The following RHPN2 variants were observed in gnomAD, a reference collection of about 807,000 sequenced individuals.
RHPN2 encodes rhophilin-2.
Under a neutral mutation model 79.0 loss-of-function variants are expected in RHPN2, and 40 were observed. The observed-to-expected ratio is 0.51, with a 90% confidence interval of 0.39 to 0.66. The LOEUF (loss-of-function observed/expected upper bound fraction) is 0.66. RHPN2 is among the 30% of genes least tolerant of loss of function. RHPN2 has a pLI of 0.00. For missense variants in RHPN2, 686 were observed against 883.5 expected (o/e 0.78, Z 2.83); for synonymous variants, 285 against 363.5 (o/e 0.78, Z 2.46).
chr19:32,986,759 A>G (rs1971615705), intron 14 of RHPN2, among the ~76,000 whole-genome samples: 1 of 149,964 alleles, frequency 6.7e-6, no homozygotes, highest in Non-Finnish European at 1.5e-5. Context: ...ACGCCACTGC[A>G]CTCCAGCCTA....
intron 1 of RHPN2, among the ~76,000 whole-genome samples, chr19:33,061,778 C>G (rs1446847495): frequency 1.3e-5 from 2 of 152,198 alleles, no homozygotes; most frequent in Non-Finnish European, 1.5e-5. Context: ...GCCACCACGC[C>G]TGGTCAGCAC....
intron 12 of RHPN2, among the ~76,000 whole-genome samples, chr19:32,993,249 C>T (rs1271662449): frequency 2.0e-5 from 3 of 151,728 alleles, no homozygotes; most frequent in African/African-American, 2.4e-5. Context: ...CTGAGGTGAG[C>T]GGATCACTGG....
In RHPN2 at chr19:32,991,891, A is replaced by G. The variant is rs746362838; in HGVS notation, c.1576T>C (p.Leu526=). Residue 526 remains leucine, a synonymous_variant, in exon 13 of 15, where the codon TTG becomes CTG. Coordinates refer to ENST00000254260, the MANE Select transcript of RHPN2 (RefSeq NM_033103.5). The part of the protein sequence containing the change: ...SIRFTAEEGD[L]GFTLRGNAPV... ...GCGTTCCCTCTCAAGGTGAACCCCA[A>G]GTCCCCTTCTTCTGCAGTGAAGCGG... is the stretch of plus-strand genomic sequence containing the variant. 6.2e-7 allele frequency: 1 copy of G among 1,613,980 alleles called. No individual in the cohort carries two copies. The highest frequency in any genetic ancestry group is 1.1e-5 in the South Asian group (1 of 91,082).
intron 7 of RHPN2, among the ~76,000 whole-genome samples, chr19:33,007,109 A>G (rs1360130673): frequency 2.6e-5 from 4 of 152,216 alleles, no homozygotes; most frequent in Non-Finnish European, 5.9e-5. Flanking sequence ...CTGAGCTATG[A>G]GACATCCTTT....
intron 1 of RHPN2, 89 bp downstream of exon 1, chr19:33,064,695 G>A: frequency 7.9e-7 from 1 of 1,258,646 alleles, no homozygotes; most frequent in Non-Finnish European, 1.1e-6. Context: ...AGTGGACCCC[G>A]ACTGCGCGCT....
At chr19:33,040,176 G>C (rs528037038) in intron 2 of RHPN2, among the ~76,000 whole-genome samples, 2 of 148,006 alleles carry the variant, frequency 1.4e-5, no homozygotes, top group Non-Finnish European at 3.0e-5. Context: ...ACCTGCTCTT[G>C]TTCAAAGAAT....
Position 32,979,697 on chromosome 19 carries a change from A to C in RHPN2, c.*299T>G. ...AATTTAATAGTGACTAAAAGTCATA[A>C]TTGTCACCATTAAAAATAGCCATAT... On this transcript the variant is annotated 3_prime_UTR_variant, in exon 15 of 15. Coordinates refer to ENST00000254260, the MANE Select transcript of RHPN2 (RefSeq NM_033103.5). 2.7e-6 allele frequency: 1 copy of C among 372,188 alleles called. No individual in the cohort carries two copies. Among genetic ancestry groups the C allele is most frequent in the Non-Finnish European group, 5.0e-6 (1 of 201,886 alleles). 23.1% of individuals were successfully genotyped at this position (372,188 alleles called of 1,614,324 possible).
intron 5 of RHPN2, 91 bp from the exon 6 acceptor site, chr19:33,011,894 C>A: frequency 6.5e-7 from 1 of 1,545,404 alleles, no homozygotes; most frequent in Non-Finnish European, 8.9e-7. Context: ...CCAGCAGGTG[C>A]CTGTAACTAT....
chr19:33,029,938 G>A (rs542868441), intron 2 of RHPN2, among the ~76,000 whole-genome samples: 44 of 152,314 alleles, frequency 2.9e-4, no homozygotes, highest in African/African-American at 1.0e-3. Flanking sequence ...TACCAGGGAA[G>A]CTCAGAGACT....
At chr19:33,028,105 C>T (rs957658914) in intron 2 of RHPN2, among the ~76,000 whole-genome samples, 6 of 151,018 alleles carry the variant, frequency 4.0e-5, no homozygotes, top group African/African-American at 1.5e-4. Context: ...AATATTAGTA[C>T]TAATAAATTT....
At chr19:33,036,880 C>CGA (rs1555713805) in intron 2 of RHPN2, among the ~76,000 whole-genome samples, 2 of 150,524 alleles carry the variant, frequency 1.3e-5, no homozygotes, top group East Asian at 4.0e-4. Flanking sequence ...GCCCCCCCGC[C>CGA]ACCCTCTGTG....
At chr19:33,024,092 C>T (rs1295232005) in intron 3 of RHPN2, among the ~76,000 whole-genome samples, 2 of 152,214 alleles carry the variant, frequency 1.3e-5, no homozygotes, top group African/African-American at 4.8e-5. Flanking sequence ...AACACCAGAG[C>T]ATAGGCTGGG....
chr19:33,041,303 C>T (rs542388094), intron 2 of RHPN2, among the ~76,000 whole-genome samples: 25 of 152,280 alleles, frequency 1.6e-4, no homozygotes, highest in African/African-American at 5.1e-4. Flanking sequence ...CAACTGAAAC[C>T]ACCCATGGCC....
intron 14 of RHPN2, among the ~76,000 whole-genome samples, chr19:32,983,512 CAA>C (rs765955793): frequency 7.3e-6 from 1 of 137,030 alleles, no homozygotes; most frequent in Admixed American, 7.3e-5. Context: ...GAGACTGTCT[CAA>C]AAAAAAAAAA....
chr19:33,036,010 G>A (rs1599828493), intron 2 of RHPN2, among the ~76,000 whole-genome samples: 1 of 151,542 alleles, frequency 6.6e-6, no homozygotes, highest in African/African-American at 2.4e-5. Flanking sequence ...CCAGCTACTC[G>A]GCAAGCTGAG....
At chr19:33,064,693 C>A in intron 1 of RHPN2, 91 bp downstream of exon 1, 1 of 1,375,834 alleles carries the variant, frequency 7.3e-7, no homozygotes, top group Non-Finnish European at 9.8e-7. Flanking sequence ...CTAGTGGACC[C>A]CGACTGCGCG....
At chr19:32,991,064 G>A (rs2146001814) in intron 13 of RHPN2, among the ~76,000 whole-genome samples, 1 of 150,960 alleles carries the variant, frequency 6.6e-6, no homozygotes, top group South Asian at 2.1e-4. Flanking sequence ...GCTCACGCCT[G>A]TAATCCTAGC....
At chr19:33,037,327 C>T (rs1039982870) in intron 2 of RHPN2, among the ~76,000 whole-genome samples, 2 of 152,190 alleles carry the variant, frequency 1.3e-5, no homozygotes, top group Admixed American at 6.6e-5. Flanking sequence ...ACTGTAAATG[C>T]ACCAATCAGC....
Position 32,979,932 on chromosome 19 carries a change from C to T in RHPN2, c.*64G>A, listed in dbSNP as rs563009740. 22 of 1,583,418 alleles carry T rather than the reference C, an allele frequency of 1.4e-5. No individual in the cohort carries two copies. Among genetic ancestry groups the T allele is most frequent in the East Asian group, 1.1e-4 (5 of 44,742 alleles). ...TAGATAGATATTTTCCATTATGGCA[C>T]AAACGTTTAAGGCCGAGTCAGCACC... On this transcript the variant is annotated 3_prime_UTR_variant, in exon 15 of 15. Coordinates refer to ENST00000254260, the MANE Select transcript of RHPN2 (RefSeq NM_033103.5).
Sources: gnomAD v4.1 joint callset for allele counts (sites outside exome capture counted in the v4.1 genomes callset) on GRCh38, gnomAD v4.1.1 for gene constraint, MANE v1.5 for transcripts, NCBI Gene and HGNC (gene_info 2026-07-23, HGNC 2026-07-21) for gene names.